Variants in CDH12 observed in about 807,000 individuals in gnomAD.
CDH12 encodes cadherin-12.
Under a neutral mutation model 74.1 loss-of-function variants are expected in CDH12, and 41 were observed. The ratio of observed to expected loss-of-function variants is 0.55; its 90% CI spans 0.43 to 0.72. The LOEUF is 0.72. CDH12 is among the 30% of genes least tolerant of loss of function. The pLI is 0.00. For missense variants in CDH12, 945 were observed against 977.2 expected (o/e 0.97, Z 0.44); for synonymous variants, 399 against 355.0 (o/e 1.12, Z -1.39).
intron 5 of CDH12, among the ~76,000 whole-genome samples, chr5:21,984,982 A>G (rs906895004): frequency 1.3e-5 from 2 of 152,022 alleles, no homozygotes; most frequent in African/African-American, 4.8e-5. Context: ...AAAATTAATT[A>G]AAATGCCTGT....
rs551516386 is a variant in CDH12, at chr5:21,942,334, G to A, written c.526+32757C>T. On this transcript the variant is annotated intron_variant, in intron 6 of 14. Coordinates refer to ENST00000382254, the MANE Select transcript of CDH12 (RefSeq NM_004061.5). ...CTCCAGCCACTATGAGACAAATACA[G>A]TATATATATATATACACACACACAC... is the stretch of plus-strand genomic sequence containing the variant. Among the ~76,000 whole-genome samples, 7 of 107,160 alleles carry A rather than the reference G, an allele frequency of 6.5e-5. No homozygotes were observed. In the East Asian group the frequency reaches 1.2e-3, roughly 19 times the overall value. 70.3% of individuals were successfully genotyped at this position (107,160 alleles called of 152,430 possible).
chr5:21,832,784 A>ATATCATATAATATATATAT (rs1310707146), intron 8 of CDH12, among the ~76,000 whole-genome samples: 21 of 108,276 alleles, frequency 1.9e-4, no homozygotes, highest in Non-Finnish European at 2.8e-4. Context: ...ATATTAATAT[A>ATATCATATAATATATATAT]TATCATATAA....
intron 3 of CDH12, among the ~76,000 whole-genome samples, chr5:22,337,737 T>C (rs1739655742): frequency 1.3e-5 from 2 of 152,280 alleles, no homozygotes; most frequent in South Asian, 4.1e-4. Flanking sequence ...AATGTGAGAA[T>C]GGACTAATAC....
intron 4 of CDH12, among the ~76,000 whole-genome samples, chr5:22,092,586 A>T (rs1561101261): frequency 1.3e-5 from 2 of 152,308 alleles, no homozygotes; most frequent in East Asian, 3.9e-4. Context: ...TAGAAAAATA[A>T]CATAGTAACA....
intron 1 of CDH12, among the ~76,000 whole-genome samples, chr5:22,846,205 T>G (rs926042752): frequency 6.6e-6 from 1 of 152,052 alleles, no homozygotes; most frequent in Admixed American, 6.6e-5. Flanking sequence ...TAGGGTGCGG[T>G]AAAGAGGGGC....
In CDH12 at chr5:22,448,280, T is replaced by C. The variant is rs553420913; in HGVS notation, c.-427-42929A>G. Among the ~76,000 whole-genome samples, 5 of 152,092 alleles carry C rather than the reference T, an allele frequency of 3.3e-5. No homozygotes were observed. The South Asian group carries it at 1.0e-3, about 32-fold the overall frequency. ...AGTTCAAATTAAATTATTATATTAA[T>C]TCTGTGGGTTTTCTTAATATATCTT... On this transcript the variant is annotated intron_variant, in intron 2 of 14. Transcript: ENST00000382254.
chr5:22,140,725 A>G (rs1746740968), intron 4 of CDH12, among the ~76,000 whole-genome samples: 1 of 152,110 alleles, frequency 6.6e-6, no homozygotes, highest in Admixed American at 6.6e-5. Flanking sequence ...CTTTATCACA[A>G]CAGAATGTTC....
chr5:22,096,347 A>G (rs1218341779), intron 4 of CDH12, among the ~76,000 whole-genome samples: 1 of 151,996 alleles, frequency 6.6e-6, no homozygotes, highest in East Asian at 1.9e-4. Context: ...TCTTTTATAC[A>G]TTGGTCCCTC....
chr5:21,791,352 A>G (rs1261852423), intron 10 of CDH12, among the ~76,000 whole-genome samples: 2 of 152,074 alleles, frequency 1.3e-5, no homozygotes, highest in Admixed American at 1.3e-4. Flanking sequence ...GATATGGCCC[A>G]GTTCTTAAAG....
At chr5:22,339,619 A>T (rs773820256) in intron 3 of CDH12, among the ~76,000 whole-genome samples, 20 of 152,178 alleles carry the variant, frequency 1.3e-4, no homozygotes, top group Admixed American at 1.3e-3. Context: ...AGAGTAAAGG[A>T]TGAGGTAAAT....
chr5:21,802,666 A>G (rs2149924129), intron 9 of CDH12, among the ~76,000 whole-genome samples: 1 of 127,356 alleles, frequency 7.9e-6, no homozygotes, highest in African/African-American at 2.9e-5. Flanking sequence ...ATCTCGGCTC[A>G]CTGCAACCTC....
At chr5:22,485,270 T>A (rs1039634630) in intron 2 of CDH12, among the ~76,000 whole-genome samples, 9 of 152,106 alleles carry the variant, frequency 5.9e-5, no homozygotes, top group African/African-American at 2.2e-4. Flanking sequence ...GAACCTTCAA[T>A]TCCTGGGCTC....
intron 3 of CDH12, among the ~76,000 whole-genome samples, chr5:22,360,850 T>C (rs954736440): frequency 2.0e-5 from 3 of 152,164 alleles, no homozygotes; most frequent in Admixed American, 6.6e-5. Context: ...TCTCAATAGA[T>C]GCAGAAAAGG....
chr5:22,280,767 G>C (rs1736843173), intron 3 of CDH12, among the ~76,000 whole-genome samples: 1 of 152,128 alleles, frequency 6.6e-6, no homozygotes, highest in Admixed American at 6.6e-5. Flanking sequence ...GGACCAGATG[G>C]ATTCACAGCT....
At chr5:22,731,886 T>C (rs1411706619) in intron 1 of CDH12, among the ~76,000 whole-genome samples, 1 of 151,868 alleles carries the variant, frequency 6.6e-6, no homozygotes, top group African/African-American at 2.4e-5. Flanking sequence ...CATAGTTGAA[T>C]TGCTTAAACA....
At chr5:22,768,697 A>G (rs1280258325) in intron 1 of CDH12, among the ~76,000 whole-genome samples, 1 of 152,136 alleles carries the variant, frequency 6.6e-6, no homozygotes, top group African/African-American at 2.4e-5. Flanking sequence ...ACCCATGGTA[A>G]CTACCTGGTC....
chr5:22,025,343 A>T (rs562058362), intron 5 of CDH12, among the ~76,000 whole-genome samples: 1 of 152,314 alleles, frequency 6.6e-6, no homozygotes, highest in Middle Eastern at 3.4e-3. Flanking sequence ...AATAAAGCAA[A>T]TCATAATTGT....
chr5:22,697,336 C>A (rs893507566), intron 1 of CDH12, among the ~76,000 whole-genome samples: 1 of 151,988 alleles, frequency 6.6e-6, no homozygotes, highest in African/African-American at 2.4e-5. Context: ...CTTTGGGAGG[C>A]CGAGGCGGGT....
At chr5:22,523,760 G>C (rs1737149777) in intron 1 of CDH12, among the ~76,000 whole-genome samples, 1 of 151,924 alleles carries the variant, frequency 6.6e-6, no homozygotes, top group Admixed American at 6.6e-5. Context: ...CGCCTTCCCA[G>C]ACTATTTAAT....
Sources: allele counts gnomAD v4.1 joint callset (sites outside exome capture counted in the v4.1 genomes callset), GRCh38; gene constraint gnomAD v4.1.1; transcripts MANE v1.5; gene names NCBI Gene and HGNC (gene_info 2026-07-23, HGNC 2026-07-21).